ARHGAP6: variants seen among roughly 807,000 people sequenced by gnomAD.
ARHGAP6 encodes rho GTPase-activating protein 6.
ARHGAP6 carries 16 observed loss-of-function variants against 55.7 expected under a neutral mutation model. That is an observed-to-expected ratio of 0.29 (90% CI 0.19 to 0.44). The LOEUF (loss-of-function observed/expected upper bound fraction) is 0.44. Ranked by LOEUF, ARHGAP6 falls within the 20% of genes least tolerant of loss-of-function variation. ARHGAP6 has a pLI of 1.00. For missense variants in ARHGAP6, 698 were observed against 808.9 expected, an observed-to-expected ratio of 0.86 and a Z score of 1.66; for synonymous variants, 382 against 360.9, an observed-to-expected ratio of 1.06 and a Z score of -0.66.
intron 1 of ARHGAP6, among the ~76,000 whole-genome samples, chrX:11,342,353 A>G (rs2048717506): frequency 8.9e-6 from 1 of 112,051 alleles, no homozygotes; most frequent in Non-Finnish European, 1.9e-5. Flanking sequence ...TTTTCCAATA[A>G]CTTTCCTTTA....
intron 1 of ARHGAP6, among the ~76,000 whole-genome samples, chrX:11,602,000 A>T (rs937492688): frequency 1.8e-5 from 2 of 111,912 alleles, no homozygotes; most frequent in East Asian, 2.8e-4. Context: ...TGCTGTGTGT[A>T]TGGAGGTGAG....
intron 1 of ARHGAP6, among the ~76,000 whole-genome samples, chrX:11,341,353 C>A (rs1397586176): frequency 9.0e-6 from 1 of 110,868 alleles, no homozygotes; most frequent in African/African-American, 3.3e-5. Context: ...AGTACTGACT[C>A]AAAACATACT....
intron 1 of ARHGAP6, among the ~76,000 whole-genome samples, chrX:11,636,369 G>T (rs1209011714): frequency 9.0e-6 from 1 of 111,337 alleles, no homozygotes; most frequent in African/African-American, 3.3e-5. Flanking sequence ...AACTTAAAAG[G>T]GTAATTTGTT....
chrX:11,274,933 A>T (rs1159201489), intron 1 of ARHGAP6, among the ~76,000 whole-genome samples: 1 of 111,811 alleles, frequency 8.9e-6, no homozygotes, highest in Non-Finnish European at 1.9e-5. Context: ...TTTTACGCAC[A>T]TAATGAGAAA....
chrX:11,286,973 G>T (rs772375913), intron 1 of ARHGAP6, among the ~76,000 whole-genome samples: 3 of 112,059 alleles, frequency 2.7e-5, no homozygotes, highest in African/African-American at 9.7e-5. Flanking sequence ...AAATGTTCTA[G>T]AACTAGACTA....
chrX:11,634,262 A>C (rs2052393641), intron 1 of ARHGAP6, among the ~76,000 whole-genome samples: 1 of 110,934 alleles, frequency 9.0e-6, no homozygotes, highest in Non-Finnish European at 1.9e-5. Flanking sequence ...TTAACTAATA[A>C]TCATATGAAG....
At chrX:11,187,772 G>C (rs1010111834) in intron 4 of ARHGAP6, among the ~76,000 whole-genome samples, 1 of 112,104 alleles carries the variant, frequency 8.9e-6, no homozygotes, top group Non-Finnish European at 1.9e-5. Context: ...AGGGTCAGGC[G>C]TGGCGGCTCA....
intron 1 of ARHGAP6, among the ~76,000 whole-genome samples, chrX:11,460,248 A>G (rs1438235765): frequency 1.8e-5 from 2 of 111,651 alleles, no homozygotes; most frequent in African/African-American, 6.5e-5. Flanking sequence ...ATGGCAAGGA[A>G]CTTCAAGGGG....
chrX:11,515,845 T>C (rs1379445988), intron 1 of ARHGAP6, among the ~76,000 whole-genome samples: 4 of 112,747 alleles, frequency 3.5e-5, no homozygotes. Context: ...TGAAATGTTA[T>C]TGGTATTTCT....
chrX:11,230,701 A>G (rs1258331032), intron 2 of ARHGAP6, among the ~76,000 whole-genome samples: 1 of 108,865 alleles, frequency 9.2e-6, no homozygotes, highest in Non-Finnish European at 1.9e-5. Flanking sequence ...ATATACATGT[A>G]TGTATATAGA....
chrX:11,444,522 G>C (rs2050072710), intron 1 of ARHGAP6, among the ~76,000 whole-genome samples: 1 of 112,255 alleles, frequency 8.9e-6, no homozygotes, highest in African/African-American at 3.2e-5. Context: ...TTGGGAAGCT[G>C]TCTCAGCAAG....
chrX:11,261,274 C>T (rs2147498418), intron 1 of ARHGAP6, among the ~76,000 whole-genome samples: 1 of 111,248 alleles, frequency 9.0e-6, no homozygotes, highest in South Asian at 3.8e-4. Context: ...ATCCGTGATA[C>T]CTATACCCAC....
chrX:11,196,871 T>G (rs767149101), intron 3 of ARHGAP6, 54 bp downstream of exon 3: 1 of 666,947 alleles, frequency 1.5e-6, no homozygotes, highest in East Asian at 3.2e-5. Flanking sequence ...CCCACCAAAT[T>G]TAACCATTAT....
At chrX:11,162,848 T>A in intron 9 of ARHGAP6, among the ~76,000 whole-genome samples, 1 of 112,293 alleles carries the variant, frequency 8.9e-6, no homozygotes, top group Non-Finnish European at 1.9e-5. Context: ...ATACAAAAAC[T>A]TCAAAACTTT....
At chrX:11,595,218 A>C (rs6640751) in intron 1 of ARHGAP6, among the ~76,000 whole-genome samples, 18,983 of 106,669 alleles carry the variant, frequency 0.18, 1,502 homozygotes, top group African/African-American at 0.25. Flanking sequence ...TGAACCCAGG[A>C]GGCAGAGGTG....
At chrX:11,282,510 C>T (rs755131681) in intron 1 of ARHGAP6, among the ~76,000 whole-genome samples, 2 of 112,189 alleles carry the variant, frequency 1.8e-5, no homozygotes, top group African/African-American at 6.5e-5. Flanking sequence ...AGAAAAACAT[C>T]CACTGATTCA....
chrX:11,314,404 A>G (rs1327095854), intron 1 of ARHGAP6, among the ~76,000 whole-genome samples: 1 of 112,187 alleles, frequency 8.9e-6, no homozygotes, highest in Non-Finnish European at 1.9e-5. Flanking sequence ...GAAACTTTCC[A>G]AGAAACTCTT....
intron 1 of ARHGAP6, among the ~76,000 whole-genome samples, chrX:11,350,309 C>T (rs1481989315): frequency 1.8e-5 from 2 of 112,188 alleles, no homozygotes; most frequent in Non-Finnish European, 3.8e-5. Flanking sequence ...ATTAAATTAT[C>T]TGTGTTATAA....
intron 7 of ARHGAP6, among the ~76,000 whole-genome samples, chrX:11,178,921 T>C (rs1207351058): frequency 8.9e-6 from 1 of 111,842 alleles, no homozygotes; most frequent in Non-Finnish European, 1.9e-5. Flanking sequence ...TCCTGGAATG[T>C]TGCTGCCCTC....
Sources: gnomAD v4.1 joint callset for allele counts (sites outside exome capture counted in the v4.1 genomes callset) on GRCh38, gnomAD v4.1.1 for gene constraint, MANE v1.5 for transcripts, NCBI Gene and HGNC (gene_info 2026-07-23, HGNC 2026-07-21) for gene names.